The following GPHN variants were observed in gnomAD, a reference collection of about 807,000 sequenced individuals.
The protein encoded by GPHN is gephyrin.
A neutral mutation model predicts 95.5 loss-of-function variants in GPHN; 17 were observed. The ratio of observed to expected loss-of-function variants is 0.18; its 90% CI spans 0.12 to 0.27. The LOEUF is 0.27. Among genes scored for constraint, GPHN ranks in the 10% least tolerant of loss-of-function variants. The pLI is 1.00. For missense variants in GPHN, 660 were observed against 978.1 expected, an observed-to-expected ratio of 0.67 and a Z score of 4.34; for synonymous variants, 320 against 322.5, an observed-to-expected ratio of 0.99 and a Z score of 0.08.
chr14:66,686,161 A>G (rs962741640), intron 2 of GPHN, among the ~76,000 whole-genome samples: 3 of 152,308 alleles, frequency 2.0e-5, no homozygotes, highest in African/African-American at 7.2e-5. Flanking sequence ...CTTGTAGTAT[A>G]GTTTGAAGTC....
the GPHN span, chr14:67,388,294 G>C: frequency 1.9e-6 from 3 of 1,609,924 alleles, no homozygotes; most frequent in South Asian, 2.2e-5. Context: ...CCACTGGCCT[G>C]TTCTCTTCCT....
intron 1 of GPHN, among the ~76,000 whole-genome samples, chr14:66,625,431 C>T (rs1253192063): frequency 6.6e-6 from 1 of 152,068 alleles, no homozygotes; most frequent in Non-Finnish European, 1.5e-5. Flanking sequence ...CCCCTCCCTT[C>T]TTTTTTCTTG....
At chr14:67,088,955 A>T (rs1418347027) in intron 11 of GPHN, 28 bp from the exon 12 acceptor site, 8 of 1,312,318 alleles carry the variant, frequency 6.1e-6, no homozygotes, top group Non-Finnish European at 8.8e-6. Context: ...CTCCATATTT[A>T]CATTTTCCTT....
the GPHN span, among the ~76,000 whole-genome samples, chr14:67,340,848 A>T: frequency 2.6e-5 from 4 of 152,036 alleles, no homozygotes; most frequent in African/African-American, 9.7e-5. Context: ...TGGTTTTCGT[A>T]TTTTTTTGGT....
intron 1 of GPHN, among the ~76,000 whole-genome samples, chr14:66,660,344 A>G (rs549400300): frequency 2.0e-5 from 3 of 152,340 alleles, no homozygotes; most frequent in African/African-American, 4.8e-5. Flanking sequence ...TTCAAACATA[A>G]AAGCCCAAGA....
At chr14:66,774,415 A>G (rs1470137364) in intron 2 of GPHN, among the ~76,000 whole-genome samples, 1 of 151,842 alleles carries the variant, frequency 6.6e-6, no homozygotes, top group Non-Finnish European at 1.5e-5. Flanking sequence ...ATGCAATTAG[A>G]AAAAAAAATT....
intron 1 of GPHN, among the ~76,000 whole-genome samples, chr14:66,613,102 T>C (rs952690497): frequency 1.2e-4 from 19 of 152,240 alleles, no homozygotes; most frequent in African/African-American, 4.3e-4. Flanking sequence ...TATTGAATAC[T>C]GAACCATTGC....
chr14:66,982,503 CA>C (rs1296998613), intron 9 of GPHN, among the ~76,000 whole-genome samples: 1 of 152,076 alleles, frequency 6.6e-6, no homozygotes. Flanking sequence ...GCAACATTTT[CA>C]GAATATTTCT....
chr14:66,806,724 A>T (rs564387847), intron 3 of GPHN, among the ~76,000 whole-genome samples: 1 of 152,196 alleles, frequency 6.6e-6, no homozygotes, highest in African/African-American at 2.4e-5. Flanking sequence ...CCAGTTCCCA[A>T]GAAGTTCCTC....
chr14:67,694,032 A>G, the GPHN span, among the ~76,000 whole-genome samples: 3 of 152,154 alleles, frequency 2.0e-5, no homozygotes, highest in African/African-American at 4.8e-5. Flanking sequence ...TGGTTCTCAG[A>G]CTGGCCTATT....
intron 17 of GPHN, among the ~76,000 whole-genome samples, chr14:67,123,334 G>T (rs948044719): frequency 1.3e-5 from 2 of 152,196 alleles, no homozygotes; most frequent in Non-Finnish European, 2.9e-5. Context: ...ATCTGACAAG[G>T]CATGCTGTGA....
rs112821503 is a variant in GPHN at position 66,621,660 on chromosome 14, T to G, written c.65-59447T>G. 3.7e-3 allele frequency among the ~76,000 whole-genome samples: 554 copies of G among 151,662 alleles called. 12 individuals are homozygous for G. The highest frequency in any genetic ancestry group is 0.013 in the African/African-American group (528 of 41,376). On this transcript the variant is annotated intron_variant, in intron 1 of 22. Coordinates refer to ENST00000478722, the MANE Select transcript of GPHN (RefSeq NM_020806.5). ...GGATGGTCTCGATCTCCTGACCTTG[T>G]GATCCACCGCCTCGGCCTCCCAAAA...
the GPHN span, among the ~76,000 whole-genome samples, chr14:67,298,039 A>G: frequency 6.6e-6 from 1 of 152,138 alleles, no homozygotes; most frequent in Admixed American, 6.5e-5. Flanking sequence ...AAGCAGTTTA[A>G]TGCTGAATCA....
chr14:66,661,533 G>T (rs1329416448), intron 1 of GPHN, among the ~76,000 whole-genome samples: 1 of 152,190 alleles, frequency 6.6e-6, no homozygotes, highest in African/African-American at 2.4e-5. Flanking sequence ...TACCATCTCT[G>T]CTGTTTGGAC....
intron 1 of GPHN, among the ~76,000 whole-genome samples, chr14:66,652,948 T>C (rs2065116404): frequency 6.6e-6 from 1 of 152,198 alleles, no homozygotes; most frequent in African/African-American, 2.4e-5. Context: ...CCATGCAGGC[T>C]TGACCTCTGC....
the GPHN span, among the ~76,000 whole-genome samples, chr14:67,549,160 T>G: frequency 1.3e-5 from 2 of 152,174 alleles, no homozygotes; most frequent in Non-Finnish European, 2.9e-5. Flanking sequence ...ATGGAATGGG[T>G]CTTAGCAGGT....
intron 1 of GPHN, among the ~76,000 whole-genome samples, chr14:66,629,113 A>ACG (rs2063642086): frequency 9.9e-6 from 1 of 101,182 alleles, no homozygotes; most frequent in Non-Finnish European, 1.6e-5. Flanking sequence ...ATTTATATAC[A>ACG]TATATAAATA....
At chr14:67,570,008 A>AG in the GPHN span, 2 of 1,586,498 alleles carry the variant, frequency 1.3e-6, no homozygotes, top group South Asian at 1.1e-5. Context: ...ACAGCACTGA[A>AG]GGGGGTAAGA....
chr14:66,529,595 T>G (rs6573681), intron 1 of GPHN, among the ~76,000 whole-genome samples: 4 of 151,998 alleles, frequency 2.6e-5, no homozygotes, highest in African/African-American at 9.7e-5. Context: ...TCCCTATCTT[T>G]GTGGATTTAT....
Sources: allele counts gnomAD v4.1 joint callset (sites outside exome capture counted in the v4.1 genomes callset), GRCh38; gene constraint gnomAD v4.1.1; transcripts MANE v1.5; gene names NCBI Gene and HGNC (gene_info 2026-07-23, HGNC 2026-07-21).